ERICH3: variants seen among roughly 807,000 people sequenced by gnomAD.
The protein encoded by ERICH3 is glutamate rich 3, also known as glutamate-rich protein 3.
A neutral mutation model predicts 131.1 loss-of-function variants in ERICH3; 126 were observed. That is an observed-to-expected ratio of 0.96 (90% confidence interval 0.83 to 1.11). The LOEUF is 1.11. Ranked by LOEUF, ERICH3 falls within the 50% of genes most tolerant of loss-of-function variation. The pLI, the probability that ERICH3 is intolerant of heterozygous loss-of-function variation, is 0.00. For missense variants in ERICH3, 2,050 were observed against 1,810.7 expected, an observed-to-expected ratio of 1.13 and a Z score of -2.40; for synonymous variants, 695 against 644.6, an observed-to-expected ratio of 1.08 and a Z score of -1.18.
At chr1:74,605,975 TG>T (rs1373565374) in intron 10 of ERICH3, among the ~76,000 whole-genome samples, 2 of 143,588 alleles carry the variant, frequency 1.4e-5, no homozygotes, top group Non-Finnish European at 3.0e-5. Context: ...TGCATATATA[TG>T]TGTGTATGTA....
chr1:74,572,340 A>C lies in ERICH3; in HGVS notation c.3370T>G (p.Ser1124Ala). 6.2e-7 allele frequency: 1 copy of C among 1,613,638 alleles called. No homozygotes were observed. Residue 1124 changes from serine (S) to alanine (A), a missense_variant, in exon 14 of 15, where the codon TCT becomes GCT. Transcript: ENST00000326665. ...ETKAPPNEMG[S>A]DAENEAPVEA... Reference sequence around the variant, plus strand: ...ACAGGTGCTTCGTTCTCAGCATCAGATCCCATTTCATTTGGGGGAGCTTTT... The same window carrying C: ...ACAGGTGCTTCGTTCTCAGCATCAGCTCCCATTTCATTTGGGGGAGCTTTT...
intron 5 of ERICH3, among the ~76,000 whole-genome samples, chr1:74,639,470 A>G (rs1412905918): frequency 1.3e-5 from 2 of 152,214 alleles, no homozygotes; most frequent in African/African-American, 4.8e-5. Flanking sequence ...TTCACATCAG[A>G]AGCCACCTTA....
chr1:74,636,433 G>A lies in ERICH3; in HGVS notation c.450C>T (p.Ala150=). The A allele has an allele frequency of 6.2e-7, 1 of 1,602,936 alleles. No homozygotes were observed. Among genetic ancestry groups the A allele is most frequent in the Non-Finnish European group, 8.5e-7 (1 of 1,174,294 alleles). The change falls in exon 6 of 15, where the codon GCC becomes GCT. Residue 150 remains alanine (A), a synonymous_variant. Coordinates refer to ENST00000326665, the MANE Select transcript of ERICH3 (RefSeq NM_001002912.5). ...EGHSSPLALT[A]PRPYTAPGNM... is the part of the protein sequence containing the mutation. ...TTCCTGGAGCAGTATATGGTCGAGGGGCTGTCTAGACAATTAGGGGAAAAA... is the reference window on the plus strand; with the variant it reads ...TTCCTGGAGCAGTATATGGTCGAGGAGCTGTCTAGACAATTAGGGGAAAAA...
At chr1:74,621,419 C>G (rs950353892) in intron 7 of ERICH3, 1 of 152,288 alleles carries the variant, frequency 6.6e-6, no homozygotes, top group Admixed American at 6.5e-5. Context: ...ACACATCCTT[C>G]CCTGGGCTTA....
At chr1:74,636,167 A>G (rs978146973) in intron 6 of ERICH3, 113 bp downstream of exon 6, 4 of 890,462 alleles carry the variant, frequency 4.5e-6, no homozygotes, top group Admixed American at 6.0e-5. Flanking sequence ...TACATATACA[A>G]TATAATTTTC....
intron 7 of ERICH3, among the ~76,000 whole-genome samples, chr1:74,628,693 G>A (rs1342688284): frequency 6.9e-6 from 1 of 144,320 alleles, no homozygotes; most frequent in East Asian, 2.1e-4. Flanking sequence ...TCCATATACA[G>A]TACACACACA....
At chr1:74,672,861 G>C (rs551822540) in intron 1 of ERICH3, among the ~76,000 whole-genome samples, 11 of 152,008 alleles carry the variant, frequency 7.2e-5, no homozygotes, top group African/African-American at 2.7e-4. Flanking sequence ...TTATCTAAGG[G>C]GTTCACCTAC....
rs373881674 is a variant in ERICH3 at position 74,631,677 on chromosome 1, A to C, written c.819+36T>G. On this transcript the variant is annotated intron_variant, in intron 7 of 14. Transcript: ENST00000326665. ...ATCTAATAGTGCAATGTAATCTGAGATAAATTAATAAAAGAAAAATTTGTT... is the reference window on the plus strand; with the variant it reads ...ATCTAATAGTGCAATGTAATCTGAGCTAAATTAATAAAAGAAAAATTTGTT... 23 of 1,528,932 alleles carry C rather than the reference A, an allele frequency of 1.5e-5. No homozygotes were observed. The African/African-American group carries it at 3.2e-4, about 21-fold the overall frequency. 94.7% of individuals were successfully genotyped at this position (1,528,932 alleles called of 1,614,324 possible). A position where few individuals can be genotyped will look rare whatever the true frequency, so the allele number is the denominator to read the frequency against.
intron 11 of ERICH3, among the ~76,000 whole-genome samples, chr1:74,596,221 T>C (rs1391105337): frequency 6.6e-6 from 1 of 152,078 alleles, no homozygotes; most frequent in Non-Finnish European, 1.5e-5. Context: ...TCTTACTTTC[T>C]TTTTTTCATA....
chr1:74,589,649 G>T lies in ERICH3; in HGVS notation c.2158C>A (p.Pro720Thr), dbSNP rs527911768. The T allele has an allele frequency of 1.2e-6, 2 of 1,613,846 alleles. No individual in the cohort carries two copies. Among genetic ancestry groups the T allele is most frequent in the South Asian group, 2.2e-5 (2 of 91,054 alleles). ...TACTTACCACCTTCCTCCAACCCAG[G>T]GAGACCTGCCTTTTTGTCCTTCACC... ...AQVKDKKAGL[P>T]GLEEGGKDSL... Residue 720 changes from proline (P) to threonine (T), a missense_variant, in exon 12 of 15, where the codon CCT becomes ACT. Transcript: ENST00000326665.
At chr1:74,624,154 G>A (rs951888525) in intron 7 of ERICH3, 6 of 152,132 alleles carry the variant, frequency 3.9e-5, no homozygotes, top group African/African-American at 1.4e-4. Flanking sequence ...GCTACAGTAG[G>A]TTGGTTCTAC....
intron 7 of ERICH3, chr1:74,622,066 T>C (rs1166796510): frequency 6.6e-6 from 1 of 152,198 alleles, no homozygotes; most frequent in Non-Finnish European, 1.5e-5. Context: ...TTCTAAAGAA[T>C]AACAACGCTG....
At chr1:74,667,585 C>A (rs1646703976) in intron 1 of ERICH3, among the ~76,000 whole-genome samples, 1 of 152,264 alleles carries the variant, frequency 6.6e-6, no homozygotes, top group Non-Finnish European at 1.5e-5. Flanking sequence ...AATAATTAAA[C>A]TTTACCTCAG....
At position 74,599,704 on chromosome 1, in the gene ERICH3, C is replaced by G. The variant is rs760219652; in HGVS notation, c.1717G>C (p.Asp573His). The G allele has an allele frequency of 1.9e-6, 3 of 1,607,546 alleles. No homozygotes were observed. The highest frequency in any genetic ancestry group is 2.5e-6 in the Non-Finnish European group (3 of 1,177,130). Reference protein sequence around the residue: ...DGCSESELEEDKQDMKTASST... With the variant: ...DGCSESELEEHKQDMKTASST... ...AAGCTGAACAACTCGCCTTGTTTAT[C>G]CTCTTCCAGTTCACTCTCAGAGCAT... The change falls in exon 11 of 15, where the codon GAT becomes CAT. Residue 573 changes from aspartate (D) to histidine (H), a missense_variant. By Grantham distance (81) the Asp-to-His change is moderately conservative. Coordinates refer to ENST00000326665, the MANE Select transcript of ERICH3 (RefSeq NM_001002912.5).
chr1:74,664,908 A>G (rs1042673111), intron 1 of ERICH3, among the ~76,000 whole-genome samples: 1 of 152,100 alleles, frequency 6.6e-6, no homozygotes, highest in African/African-American at 2.4e-5. Context: ...CTTTACTTAT[A>G]TTTTTTGTTA....
chr1:74,574,375 A>T (rs2344506), intron 13 of ERICH3, among the ~76,000 whole-genome samples: 114,252 of 152,048 alleles, frequency 0.75, 44,793 homozygotes, highest in Non-Finnish European at 0.87. Flanking sequence ...CACAATCATT[A>T]TACAGTGTGA....
At chr1:74,663,857 G>A (rs1646664900) in intron 1 of ERICH3, among the ~76,000 whole-genome samples, 1 of 151,952 alleles carries the variant, frequency 6.6e-6, no homozygotes, top group African/African-American at 2.4e-5. Context: ...CTAGGAGTTT[G>A]GCTTTCTGTT....
At chr1:74,673,796 A>C (rs945683943), upstream of ERICH3, 3 of 371,378 alleles carry the variant, frequency 8.1e-6, no homozygotes, top group African/African-American at 6.4e-5. Flanking sequence ...CGCTACTGGA[A>C]CCGAGCCTGC....
intron 11 of ERICH3, among the ~76,000 whole-genome samples, chr1:74,595,672 T>C (rs1647812828): frequency 6.6e-6 from 1 of 152,108 alleles, no homozygotes; most frequent in Non-Finnish European, 1.5e-5. Flanking sequence ...TGAGTGTCTA[T>C]GTAATGCCTT....
Sources: allele counts gnomAD v4.1 joint callset (sites outside exome capture counted in the v4.1 genomes callset), GRCh38; gene constraint gnomAD v4.1.1; transcripts MANE v1.5; gene names NCBI Gene and HGNC (gene_info 2026-07-23, HGNC 2026-07-21).